Variants in NEGR1 observed in about 807,000 individuals in gnomAD.
NEGR1 encodes the protein neuronal growth regulator 1.
A neutral mutation model predicts 40.9 loss-of-function variants in NEGR1; 10 were observed. The observed-to-expected ratio is 0.24, with a 90% CI of 0.15 to 0.42. NEGR1 has a LOEUF of 0.42. Among genes scored for constraint, NEGR1 ranks in the 10% least tolerant of loss-of-function variants. The pLI is 1.00. For missense variants in NEGR1, 352 were observed against 438.9 expected (o/e 0.80, Z 1.77); for synonymous variants, 185 against 166.8 (o/e 1.11, Z -0.84).
intron 1 of NEGR1, among the ~76,000 whole-genome samples, chr1:72,021,902 G>A (rs879672921): frequency 6.6e-6 from 1 of 152,096 alleles, no homozygotes; most frequent in African/African-American, 2.4e-5. Flanking sequence ...TTGGGAGGCC[G>A]AGGCGGGCGG....
intron 1 of NEGR1, among the ~76,000 whole-genome samples, chr1:71,952,813 C>T (rs752669652): frequency 1.6e-4 from 24 of 151,614 alleles, no homozygotes; most frequent in Non-Finnish European, 2.7e-4. Flanking sequence ...TTTACCATAC[C>T]CAAAATGCTA....
At chr1:71,528,965 T>A (rs1450075643) in intron 6 of NEGR1, among the ~76,000 whole-genome samples, 1 of 151,212 alleles carries the variant, frequency 6.6e-6, no homozygotes, top group Non-Finnish European at 1.5e-5. Context: ...TTTTTTTGGT[T>A]TATTTTTAGG....
intron 6 of NEGR1, among the ~76,000 whole-genome samples, chr1:71,457,497 A>G (rs906937691): frequency 6.6e-5 from 10 of 152,184 alleles, no homozygotes; most frequent in African/African-American, 2.4e-4. Context: ...TTCAGGGATT[A>G]TGCAAGGTCC....
intron 1 of NEGR1, among the ~76,000 whole-genome samples, chr1:72,262,471 G>C (rs1570193537): frequency 6.6e-6 from 1 of 151,920 alleles, no homozygotes; most frequent in East Asian, 1.9e-4. Flanking sequence ...TGTTTTTCCT[G>C]TTTCCACTTG....
At chr1:71,608,397 T>C (rs1378400070) in intron 5 of NEGR1, among the ~76,000 whole-genome samples, 3 of 149,996 alleles carry the variant, frequency 2.0e-5, no homozygotes, top group Non-Finnish European at 3.0e-5. Context: ...ATCTCTACAG[T>C]AGGAAAAAAA....
chr1:72,100,194 A>G, intron 1 of NEGR1, among the ~76,000 whole-genome samples: 1 of 152,122 alleles, frequency 6.6e-6, no homozygotes, highest in East Asian at 1.9e-4. Flanking sequence ...AAAGGATCCA[A>G]GATTATAACT....
chr1:72,251,573 T>C (rs1655090521), intron 1 of NEGR1, among the ~76,000 whole-genome samples: 1 of 152,194 alleles, frequency 6.6e-6, no homozygotes, highest in South Asian at 2.1e-4. Flanking sequence ...TCCTTCCATG[T>C]ACTTCATCTC....
chr1:71,578,656 C>G (rs1271845270), intron 6 of NEGR1, among the ~76,000 whole-genome samples: 3 of 151,880 alleles, frequency 2.0e-5, no homozygotes, highest in African/African-American at 4.8e-5. Context: ...CTTGAAACAT[C>G]CTGTATAATT....
chr1:71,543,494 A>G (rs564220360), intron 6 of NEGR1, among the ~76,000 whole-genome samples: 1 of 151,850 alleles, frequency 6.6e-6, no homozygotes, highest in East Asian at 2.0e-4. Flanking sequence ...CCATATCATA[A>G]TTTTTAAATG....
At chr1:72,220,478 A>C (rs1422340156) in intron 1 of NEGR1, among the ~76,000 whole-genome samples, 2 of 151,862 alleles carry the variant, frequency 1.3e-5, no homozygotes, top group East Asian at 3.9e-4. Flanking sequence ...CCATTAATTG[A>C]CCAAAATCAG....
intron 2 of NEGR1, among the ~76,000 whole-genome samples, chr1:71,908,704 T>C (rs1435503393): frequency 6.6e-6 from 1 of 152,198 alleles, no homozygotes; most frequent in Non-Finnish European, 1.5e-5. Flanking sequence ...AGACCATTGA[T>C]TGCTAAATCC....
intron 2 of NEGR1, among the ~76,000 whole-genome samples, chr1:71,888,622 C>A (rs1192210414): frequency 7.2e-6 from 1 of 137,978 alleles, no homozygotes; most frequent in Non-Finnish European, 1.6e-5. Flanking sequence ...AACTGCAAGG[C>A]GGCAACGAGG....
chr1:72,062,119 G>A (rs1647186810), intron 1 of NEGR1, among the ~76,000 whole-genome samples: 1 of 151,816 alleles, frequency 6.6e-6, no homozygotes, highest in Non-Finnish European at 1.5e-5. Flanking sequence ...TGGGCTTTAT[G>A]TTCCTGAATC....
At chr1:72,143,930 T>TATAAA in intron 1 of NEGR1, among the ~76,000 whole-genome samples, 1 of 140,502 alleles carries the variant, frequency 7.1e-6, no homozygotes, top group African/African-American at 2.6e-5. Context: ...TATATATATA[T>TATAAA]ATATATATAT....
intron 1 of NEGR1, among the ~76,000 whole-genome samples, chr1:72,224,746 T>C (rs1200883997): frequency 2.0e-5 from 3 of 151,980 alleles, no homozygotes; most frequent in East Asian, 3.9e-4. Context: ...AATTTTGGAG[T>C]AAAACTGAGA....
At chr1:71,707,165 T>C (rs1417996391) in intron 3 of NEGR1, among the ~76,000 whole-genome samples, 2 of 152,060 alleles carry the variant, frequency 1.3e-5, no homozygotes, top group African/African-American at 4.8e-5. Flanking sequence ...GTCCCTACAC[T>C]GCCACAGGGG....
intron 1 of NEGR1, among the ~76,000 whole-genome samples, chr1:72,066,837 A>C (rs768998646): frequency 1.6e-4 from 25 of 152,164 alleles, no homozygotes; most frequent in Admixed American, 1.2e-3. Context: ...CTATCAGACA[A>C]AGACACTGAC....
At chr1:71,854,914 C>T (rs75739968) in intron 2 of NEGR1, among the ~76,000 whole-genome samples, 1,547 of 152,142 alleles carry the variant, frequency 0.01, 13 homozygotes, top group Non-Finnish European at 0.016. Context: ...GAGGACACAG[C>T]CAAACCATAT....
chr1:72,012,879 T>A (rs531522001), intron 1 of NEGR1, among the ~76,000 whole-genome samples: 1,497 of 37,730 alleles, frequency 0.04, 16 homozygotes, highest in African/African-American at 0.17. Context: ...ATATATATAT[T>A]TTTTTTTTTG....
Sources: gnomAD v4.1 joint callset for allele counts (sites outside exome capture counted in the v4.1 genomes callset) on GRCh38, gnomAD v4.1.1 for gene constraint, MANE v1.5 for transcripts, NCBI Gene and HGNC (gene_info 2026-07-23, HGNC 2026-07-21) for gene names.